NRF1: variants seen among roughly 807,000 people sequenced by gnomAD.
NRF1 encodes the protein alpha palindromic-binding protein.
In NRF1, 5 loss-of-function variants were observed where a neutral mutation model predicts 58.5. That is an observed-to-expected ratio of 0.09 (90% confidence interval 0.04 to 0.18). The LOEUF (loss-of-function observed/expected upper bound fraction) is 0.18. NRF1 is among the 10% of genes least tolerant of loss of function. The pLI, the probability that NRF1 is intolerant of heterozygous loss-of-function variation, is 1.00. For synonymous variants in NRF1, 224 were observed against 246.7 expected (o/e 0.91, Z 0.86); for missense variants, 288 against 657.7 (o/e 0.44, Z 6.15).
intron 5 of NRF1, among the ~76,000 whole-genome samples, chr7:129,707,459 GA>G (rs1221370122): frequency 1.3e-5 from 2 of 152,154 alleles, no homozygotes; most frequent in African/African-American, 4.8e-5. Context: ...ATACCTCTGA[GA>G]AAGCCATTTT....
intron 10 of NRF1, among the ~76,000 whole-genome samples, chr7:129,731,965 A>G (rs1803589800): frequency 6.6e-6 from 1 of 151,996 alleles, no homozygotes; most frequent in East Asian, 1.9e-4. Flanking sequence ...CATCTTATAC[A>G]CCTTAATGTA....
rs949978572 is a variant in NRF1 at position 129,756,507 on chromosome 7, A to G, written c.*1326A>G. ...GCTTGCCTCCTCAGAGGTGTTGACT[A>G]TCTGGGTGTTCTTGGTAACCGTTAA... is the stretch of plus-strand genomic sequence containing the variant. On this transcript the variant is annotated 3_prime_UTR_variant, in exon 11 of 11. Transcript: ENST00000393232. 4 of 152,592 alleles carry G rather than the reference A, an allele frequency of 2.6e-5. No homozygotes were observed. The highest frequency in any genetic ancestry group is 9.7e-5 in the African/African-American group (4 of 41,434). 9.5% of individuals were successfully genotyped at this position (152,592 alleles called of 1,614,324 possible). A position where few individuals can be genotyped will look rare whatever the true frequency, so the allele number is the denominator to read the frequency against.
At chr7:129,618,088 G>A (rs1417564770) in intron 1 of NRF1, among the ~76,000 whole-genome samples, 2 of 152,220 alleles carry the variant, frequency 1.3e-5, no homozygotes, top group African/African-American at 2.4e-5. Flanking sequence ...AGACTTGTGA[G>A]AGTATTGAAT....
intron 1 of NRF1, among the ~76,000 whole-genome samples, chr7:129,645,844 T>G (rs1378120530): frequency 6.6e-6 from 1 of 152,202 alleles, no homozygotes; most frequent in Admixed American, 6.5e-5. Context: ...TGAAGCATTT[T>G]ATTTTTATGT....
intron 5 of NRF1, among the ~76,000 whole-genome samples, chr7:129,691,706 GT>G (rs1244968897): frequency 1.3e-5 from 2 of 151,920 alleles, no homozygotes; most frequent in Admixed American, 6.6e-5. Flanking sequence ...CACTTGTCAG[GT>G]TTTTTTCCTT....
intron 9 of NRF1, among the ~76,000 whole-genome samples, chr7:129,720,998 A>G (rs1201217000): frequency 3.3e-5 from 5 of 151,948 alleles, no homozygotes; most frequent in Admixed American, 6.6e-5. Context: ...GTGTATATAC[A>G]TACATACATA....
intron 1 of NRF1, among the ~76,000 whole-genome samples, chr7:129,625,327 C>T (rs1199721026): frequency 6.6e-6 from 1 of 152,132 alleles, no homozygotes; most frequent in Non-Finnish European, 1.5e-5. Flanking sequence ...AGGTAGTATT[C>T]ACAGGTGCCA....
chr7:129,663,758 T>C (rs1368086988), intron 2 of NRF1, among the ~76,000 whole-genome samples: 2 of 152,108 alleles, frequency 1.3e-5, no homozygotes, highest in Non-Finnish European at 1.5e-5. Context: ...CTTAGCACTT[T>C]GGGAGGCCAA....
At chr7:129,614,443 T>TGTG (rs71527915) in intron 1 of NRF1, among the ~76,000 whole-genome samples, 3 of 145,746 alleles carry the variant, frequency 2.1e-5, no homozygotes, top group Non-Finnish European at 4.5e-5. Context: ...AAATATGTAT[T>TGTG]TGTGTGTGTG....
chr7:129,619,585 G>A (rs1442951607), intron 1 of NRF1, among the ~76,000 whole-genome samples: 1 of 147,030 alleles, frequency 6.8e-6, no homozygotes, highest in African/African-American at 2.5e-5. Flanking sequence ...TTCAGGGGTA[G>A]GTCCTACAGA....
chr7:129,691,369 T>A (rs959198606), intron 5 of NRF1, among the ~76,000 whole-genome samples: 18 of 148,018 alleles, frequency 1.2e-4, no homozygotes, highest in African/African-American at 2.5e-4. Context: ...TTATTATTTT[T>A]TTTTTTTTTT....
chr7:129,708,511 A>G (rs1257373855), intron 5 of NRF1, among the ~76,000 whole-genome samples: 1 of 152,160 alleles, frequency 6.6e-6, no homozygotes, highest in African/African-American at 2.4e-5. Context: ...CCTTTTTATT[A>G]AGTTAAAGGC....
chr7:129,672,047 A>G (rs556566042), intron 3 of NRF1, among the ~76,000 whole-genome samples: 1 of 152,226 alleles, frequency 6.6e-6, no homozygotes, highest in South Asian at 2.1e-4. Context: ...CTGAAAGAGC[A>G]CACATGTTGA....
At position 129,709,198 on chromosome 7, in the gene NRF1, C is replaced by T. The variant is rs1270480676; in HGVS notation, c.730C>T (p.Arg244Trp). Residue 244 changes from arginine to tryptophan, a missense_variant, in exon 6 of 11, where the codon CGG becomes TGG. Arg to Trp is a moderately radical substitution (Grantham distance 101, BLOSUM62 -3). Transcript: ENST00000393232. ...WPEDIPWANV[R>W]SDVRTEEQKQ... Reference sequence around the variant, plus strand: ...TGAAGATATCCCCTGGGCAAATGTCCGGAGTGATGTCCGCACAGAAGAGCA... The same window carrying T: ...TGAAGATATCCCCTGGGCAAATGTCTGGAGTGATGTCCGCACAGAAGAGCA... 6.3e-7 allele frequency: 1 copy of T among 1,575,152 alleles called. No homozygotes were observed. The highest frequency in any genetic ancestry group is 8.6e-7 in the Non-Finnish European group (1 of 1,158,938).
At chr7:129,688,589 T>G (rs1215068410) in intron 4 of NRF1, among the ~76,000 whole-genome samples, 5 of 152,136 alleles carry the variant, frequency 3.3e-5, no homozygotes, top group Non-Finnish European at 7.3e-5. Context: ...TAAAAGAGGT[T>G]TAATTGACTT....
intron 5 of NRF1, among the ~76,000 whole-genome samples, chr7:129,692,276 CTT>C (rs1802587866): frequency 6.6e-6 from 1 of 152,168 alleles, no homozygotes; most frequent in African/African-American, 2.4e-5. Context: ...TTTTAAAAAA[CTT>C]AAATCATGCC....
At chr7:129,679,557 T>TA (rs1199033697) in intron 4 of NRF1, among the ~76,000 whole-genome samples, 1 of 151,448 alleles carries the variant, frequency 6.6e-6, no homozygotes, top group Non-Finnish European at 1.5e-5. Context: ...CCATCTCTAC[T>TA]AAAAATACAA....
chr7:129,628,575 T>A (rs1213073552), intron 1 of NRF1, among the ~76,000 whole-genome samples: 1 of 152,252 alleles, frequency 6.6e-6, no homozygotes, highest in East Asian at 1.9e-4. Flanking sequence ...ATCTCTTTAA[T>A]GTCTGGCTTA....
intron 1 of NRF1, among the ~76,000 whole-genome samples, chr7:129,618,688 C>T (rs189704870): frequency 1.1e-3 from 165 of 152,208 alleles, no homozygotes; most frequent in African/African-American, 3.7e-3. Context: ...GTGTAAGACC[C>T]TGTCTATAAA....
Sources: allele counts gnomAD v4.1 joint callset (sites outside exome capture counted in the v4.1 genomes callset), GRCh38; gene constraint gnomAD v4.1.1; transcripts MANE v1.5; gene names NCBI Gene and HGNC (gene_info 2026-07-23, HGNC 2026-07-21).